CREBRF: variants seen among roughly 807,000 people sequenced by gnomAD.
CREBRF encodes the protein CREB3 regulatory factor.
A neutral mutation model predicts 66.1 loss-of-function variants in CREBRF; 5 were observed. The observed-to-expected ratio is 0.08, with a 90% CI of 0.04 to 0.16. The LOEUF (loss-of-function observed/expected upper bound fraction) is 0.16. Among genes scored for constraint, CREBRF ranks in the 10% least tolerant of loss-of-function variants. The probability of loss-of-function intolerance (pLI) is 1.00; values close to 1 mark genes in which losing one functional copy is unlikely to be tolerated. For synonymous variants in CREBRF, 229 were observed against 264.4 expected, an observed-to-expected ratio of 0.87 and a Z score of 1.30; for missense variants, 531 against 744.9, an observed-to-expected ratio of 0.71 and a Z score of 3.34.
intron 7 of CREBRF, among the ~76,000 whole-genome samples, chr5:173,118,126 G>T (rs532466899): frequency 1.3e-5 from 2 of 152,064 alleles, no homozygotes; most frequent in Non-Finnish European, 2.9e-5. Context: ...CGCCTGCCTC[G>T]GCCTCCCAAA....
At chr5:173,068,252 T>TC (rs1169063389) in intron 1 of CREBRF, 1 of 328,280 alleles carries the variant, frequency 3.0e-6, no homozygotes, top group Non-Finnish European at 6.2e-6. Flanking sequence ...TACTTCTCCT[T>TC]CTCTGATAGC....
At chr5:173,084,515 T>G (rs1758068930) in intron 2 of CREBRF, among the ~76,000 whole-genome samples, 1 of 152,112 alleles carries the variant, frequency 6.6e-6, no homozygotes, top group Non-Finnish European at 1.5e-5. Flanking sequence ...ACACAATTAC[T>G]CAAAATTAAC....
At chr5:173,111,254 A>G (rs1264395482) in intron 6 of CREBRF, among the ~76,000 whole-genome samples, 2 of 151,946 alleles carry the variant, frequency 1.3e-5, no homozygotes, top group African/African-American at 4.8e-5. Flanking sequence ...TACTGTATGT[A>G]TGTAGCCTTT....
chr5:173,133,683 AC>A lies in CREBRF; in HGVS notation c.1859del (p.Thr620MetfsTer11). ...SEFVNQVLEK[T>X]AEGNPTGGLV... ...ATTTGTTAACCAAGTGTTAGAGAAGACTGCAGAAGGGAATCCCACTGGAGGC... is the reference window on the plus strand; with the variant it reads ...ATTTGTTAACCAAGTGTTAGAGAAGATGCAGAAGGGAATCCCACTGGAGGC... On this transcript the variant is annotated frameshift_variant, in exon 9 of 9. Transcript: ENST00000296953. LOFTEE classifies it high-confidence loss of function. 6.2e-7 allele frequency: 1 copy of A among 1,612,940 alleles called. No homozygotes were observed. Among genetic ancestry groups the A allele is most frequent in the Non-Finnish European group, 8.5e-7 (1 of 1,179,440 alleles).
chr5:173,078,712 A>G (rs1028063792), intron 1 of CREBRF, among the ~76,000 whole-genome samples: 9 of 151,724 alleles, frequency 5.9e-5, no homozygotes, highest in South Asian at 2.1e-4. Context: ...TTTAGTAGAG[A>G]TGGAGTTTTG....
Position 173,091,248 on chromosome 5 carries a change from G to C in CREBRF, c.1069G>C (p.Asp357His). 1 of 1,613,768 alleles carries C rather than the reference G, an allele frequency of 6.2e-7. No individual in the cohort carries two copies. Among genetic ancestry groups the C allele is most frequent in the Non-Finnish European group, 8.5e-7 (1 of 1,180,012 alleles). ...EQPTKCSPEE[D>H]EEDEEDVDDE... Reference sequence around the variant, plus strand: ...GCCAACTAAATGCAGTCCTGAAGAAGATGAGGAGGACGAGGAGGATGTTGA... The same window carrying C: ...GCCAACTAAATGCAGTCCTGAAGAACATGAGGAGGACGAGGAGGATGTTGA... Residue 357 changes from aspartate (D) to histidine (H), a missense_variant, in exon 4 of 9, where the codon GAT (aspartate) becomes CAT (histidine). Physicochemically the swap from Asp to His is moderately conservative, Grantham distance 81. Coordinates refer to ENST00000296953, the MANE Select transcript of CREBRF (RefSeq NM_153607.3).
intron 6 of CREBRF, among the ~76,000 whole-genome samples, 166 bp from the exon 7 acceptor site, chr5:173,112,140 A>AT (rs1238823668): frequency 6.6e-6 from 1 of 152,220 alleles, no homozygotes; most frequent in Non-Finnish European, 1.5e-5. Flanking sequence ...ATGGTGCCTC[A>AT]TGCCTATAAT....
intron 2 of CREBRF, 171 bp from the exon 3 acceptor site, chr5:173,086,330 C>T (rs1187457147): frequency 1.5e-6 from 1 of 658,402 alleles, no homozygotes; most frequent in South Asian, 1.9e-5. Context: ...TATAAGTCTA[C>T]AGTTCAGTGT....
Position 173,091,113 on chromosome 5 carries a change from G to C in CREBRF, c.934G>C (p.Ala312Pro). 1 of 1,614,188 alleles carries C rather than the reference G, an allele frequency of 6.2e-7. No individual in the cohort carries two copies. The highest frequency in any genetic ancestry group is 8.5e-7 in the Non-Finnish European group (1 of 1,180,026). ...PLPQEGPGSL[A>P]AGESSSLSAS... ...GCCCCAGGAAGGTCCTGGGTCACTT[G>C]CAGCAGGAGAGAGCAGCAGTCTTTC... The change falls in exon 4 of 9, where the codon GCA becomes CCA. Residue 312 changes from alanine to proline, a missense_variant. Coordinates refer to ENST00000296953, the MANE Select transcript of CREBRF (RefSeq NM_153607.3).
chr5:173,065,208 T>A (rs1757398964), intron 1 of CREBRF, among the ~76,000 whole-genome samples: 1 of 152,080 alleles, frequency 6.6e-6, no homozygotes, highest in South Asian at 2.1e-4. Context: ...GAAAAAGTGG[T>A]GTTTGAACTT....
intron 4 of CREBRF, among the ~76,000 whole-genome samples, chr5:173,101,724 A>G (rs1016161781): frequency 1.3e-5 from 2 of 151,384 alleles, no homozygotes; most frequent in Admixed American, 6.6e-5. Flanking sequence ...TAATTTTTGT[A>G]TTTTTAGTAG....
chr5:173,110,434 T>TG (rs1352009100), intron 5 of CREBRF, 88 bp from the exon 6 acceptor site: 2 of 887,294 alleles, frequency 2.3e-6, no homozygotes, highest in Admixed American at 3.5e-5. Flanking sequence ...AAGGTAGTGG[T>TG]GGGAAGTGGT....
intron 1 of CREBRF, among the ~76,000 whole-genome samples, chr5:173,065,577 C>T (rs1402619915): frequency 6.6e-6 from 1 of 151,758 alleles, no homozygotes; most frequent in Non-Finnish European, 1.5e-5. Flanking sequence ...TTGTCTCTTG[C>T]GTTTATTTCA....
At chr5:173,120,381 C>CT (rs1759110535) in intron 7 of CREBRF, among the ~76,000 whole-genome samples, 1 of 148,386 alleles carries the variant, frequency 6.7e-6, no homozygotes, top group South Asian at 2.2e-4. Context: ...TTCTTTCTTT[C>CT]TTTCTTTTTT....
chr5:173,137,805 A>T lies in CREBRF; in HGVS notation c.*4060A>T, dbSNP rs1386295400. ...TTTTCTTTATTCCACACATTTAAAAAAATTTAGCTGCTAAGATTTAATGTT... is the reference window on the plus strand; with the variant it reads ...TTTTCTTTATTCCACACATTTAAAATAATTTAGCTGCTAAGATTTAATGTT... On this transcript the variant is annotated 3_prime_UTR_variant, in exon 9 of 9. Coordinates refer to ENST00000296953, the MANE Select transcript of CREBRF (RefSeq NM_153607.3). The T allele has an allele frequency of 2.6e-5, 4 of 152,130 alleles. No homozygotes were observed. The highest frequency in any genetic ancestry group is 9.7e-5 in the African/African-American group (4 of 41,444). 9.4% of individuals were successfully genotyped at this position (152,130 alleles called of 1,614,324 possible). A position where few individuals can be genotyped will look rare whatever the true frequency, so the allele number is the denominator to read the frequency against.
chr5:173,102,706 A>G (rs966740212), intron 4 of CREBRF, among the ~76,000 whole-genome samples: 7 of 152,010 alleles, frequency 4.6e-5, no homozygotes, highest in African/African-American at 7.2e-5. Flanking sequence ...CCAGCGTGGC[A>G]TGGGGGTCTC....
rs541359299 is a variant in CREBRF at position 173,094,269 on chromosome 5, A to G, written c.1222+2868A>G. ...ATAGGAATGCAGATATCTCTTCAAG[A>G]TACTGGCTTTATTTATTTTGGCTGT... On this transcript the variant is annotated intron_variant, in intron 4 of 8. Transcript: ENST00000296953. Among the ~76,000 whole-genome samples the G allele has an allele frequency of 4.6e-5, 7 of 152,288 alleles. No individual in the cohort carries two copies. The East Asian group carries it at 1.3e-3, about 29-fold the overall frequency.
intron 5 of CREBRF, chr5:173,109,711 G>A (rs1348281031): frequency 1.3e-5 from 2 of 152,256 alleles, no homozygotes; most frequent in African/African-American, 4.8e-5. Flanking sequence ...CTCATCGTAC[G>A]AATGTGAGTT....
intron 1 of CREBRF, among the ~76,000 whole-genome samples, chr5:173,062,599 A>T (rs1270558935): frequency 6.6e-6 from 1 of 151,794 alleles, no homozygotes. Flanking sequence ...TATTCCTTGC[A>T]GGTATTAAAA....
Sources: allele counts gnomAD v4.1 joint callset (sites outside exome capture counted in the v4.1 genomes callset), GRCh38; gene constraint gnomAD v4.1.1; transcripts MANE v1.5; gene names NCBI Gene and HGNC (gene_info 2026-07-23, HGNC 2026-07-21).